Variants in SLC14A2 observed in about 807,000 individuals in gnomAD.
The protein encoded by SLC14A2 is solute carrier family 14 member 2.
Under a neutral mutation model 104.6 loss-of-function variants are expected in SLC14A2, and 91 were observed. The observed-to-expected ratio is 0.87, with a 90% confidence interval of 0.73 to 1.04. SLC14A2 has a LOEUF of 1.04. Among genes scored for constraint, SLC14A2 ranks in the 50% least tolerant of loss-of-function variants. The pLI, the probability that SLC14A2 is intolerant of heterozygous loss-of-function variation, is 0.00. For missense variants in SLC14A2, 1,189 were observed against 1,156.0 expected (o/e 1.03, Z -0.41); for synonymous variants, 476 against 466.4 (o/e 1.02, Z -0.27).
chr18:45,190,572 T>C, the SLC14A2 span, among the ~76,000 whole-genome samples: 1 of 152,166 alleles, frequency 6.6e-6, no homozygotes. Flanking sequence ...TTTCTGCCCC[T>C]GAATCAAAAA....
chr18:45,212,631 C>A (rs2083971104), upstream of SLC14A2, among the ~76,000 whole-genome samples: 1 of 152,138 alleles, frequency 6.6e-6, no homozygotes, highest in South Asian at 2.1e-4. Flanking sequence ...TAATCTAACG[C>A]ACATGTGTAT....
intron 1 of SLC14A2, among the ~76,000 whole-genome samples, chr18:45,226,695 T>C (rs918884653): frequency 4.0e-5 from 6 of 150,394 alleles, no homozygotes; most frequent in Non-Finnish European, 7.4e-5. Flanking sequence ...AGGGATAGCA[T>C]TAGGAGATAT....
the SLC14A2 span, among the ~76,000 whole-genome samples, chr18:45,171,084 G>A: frequency 6.6e-6 from 1 of 152,150 alleles, no homozygotes; most frequent in East Asian, 1.9e-4. Context: ...TCTGGTCAAA[G>A]ATAGGGTTGT....
At chr18:45,595,753 T>C (rs78924011) in intron 2 of SLC14A2, among the ~76,000 whole-genome samples, 2 of 152,282 alleles carry the variant, frequency 1.3e-5, no homozygotes, top group East Asian at 3.9e-4. Context: ...TGGCAGGTGC[T>C]AGGTACTCAG....
chr18:45,624,676 C>T lies in SLC14A2; in HGVS notation c.12C>T (p.Pro4=). The T allele has an allele frequency of 1.2e-6, 2 of 1,611,848 alleles. No individual in the cohort carries two copies. Among genetic ancestry groups the T allele is most frequent in the Non-Finnish European group, 1.7e-6 (2 of 1,178,996 alleles). Residue 4 remains proline, a synonymous_variant, in exon 2 of 20, where the codon CCC becomes CCT. Transcript: ENST00000255226. MSD[P]HSSPLLPEPL... is the part of the protein sequence containing the mutation. ...TGTGACCCGAAGGAATGTCTGACCC[C>T]CACAGCAGTCCTCTCCTGCCAGAGC...
At chr18:45,399,240 A>G (rs533668158) in intron 1 of SLC14A2, among the ~76,000 whole-genome samples, 1 of 152,306 alleles carries the variant, frequency 6.6e-6, no homozygotes, top group African/African-American at 2.4e-5. Flanking sequence ...CACCTGGTAG[A>G]GCAAACTACC....
intron 2 of SLC14A2, among the ~76,000 whole-genome samples, chr18:45,582,932 C>T (rs1180205029): frequency 6.6e-6 from 1 of 152,172 alleles, no homozygotes; most frequent in Non-Finnish European, 1.5e-5. Context: ...ATAGAGGTGT[C>T]TCCAGGTACA....
chr18:45,527,071 G>A (rs1448611190), intron 2 of SLC14A2, among the ~76,000 whole-genome samples: 1 of 152,156 alleles, frequency 6.6e-6, no homozygotes, highest in African/African-American at 2.4e-5. Context: ...CCAGAGAGGG[G>A]CATGACTTGC....
intron 2 of SLC14A2, among the ~76,000 whole-genome samples, chr18:45,586,836 AGAGGGGGAGTCTTGGGGGTAT>A (rs1298005759): frequency 6.6e-6 from 1 of 152,170 alleles, no homozygotes; most frequent in Non-Finnish European, 1.5e-5. Context: ...GTCAGGGATC[AGAGGGGGAGTCTTGGGGGTAT>A]GAGGAGCAGT....
At chr18:45,466,415 A>G (rs1256472178) in intron 1 of SLC14A2, among the ~76,000 whole-genome samples, 1 of 151,912 alleles carries the variant, frequency 6.6e-6, no homozygotes, top group East Asian at 1.9e-4. Flanking sequence ...GTTAGAGAGC[A>G]TGAAGGCTGA....
intron 2 of SLC14A2, among the ~76,000 whole-genome samples, chr18:45,535,234 T>G (rs2043762003): frequency 6.6e-6 from 1 of 152,208 alleles, no homozygotes; most frequent in Non-Finnish European, 1.5e-5. Context: ...TACATAACAC[T>G]TGCTATTAAT....
At chr18:45,457,952 A>G (rs962210028) in intron 1 of SLC14A2, among the ~76,000 whole-genome samples, 2 of 152,178 alleles carry the variant, frequency 1.3e-5, no homozygotes, top group African/African-American at 4.8e-5. Context: ...CAGGGAGGAA[A>G]GTTGCCGGGA....
intron 1 of SLC14A2, among the ~76,000 whole-genome samples, chr18:45,445,356 C>T (rs1423429275): frequency 1.3e-5 from 2 of 152,016 alleles, no homozygotes; most frequent in Non-Finnish European, 1.5e-5. Flanking sequence ...ATGATCTGCC[C>T]GCCTCAGCCT....
At chr18:45,339,403 A>G (rs565775130) in intron 1 of SLC14A2, among the ~76,000 whole-genome samples, 2 of 152,332 alleles carry the variant, frequency 1.3e-5, no homozygotes, top group East Asian at 3.9e-4. Context: ...ACGAGAAATA[A>G]AGAAAGCTGA....
chr18:45,236,015 ATG>A (rs1475225959), intron 1 of SLC14A2, among the ~76,000 whole-genome samples: 5 of 56,334 alleles, frequency 8.9e-5, no homozygotes, highest in South Asian at 5.0e-4. Context: ...GTGTGTATAT[ATG>A]TGTATATATA....
At chr18:45,558,101 C>T (rs1416357595) in intron 2 of SLC14A2, among the ~76,000 whole-genome samples, 1 of 152,142 alleles carries the variant, frequency 6.6e-6, no homozygotes, top group Non-Finnish European at 1.5e-5. Flanking sequence ...CTTTCTTCTC[C>T]ACCTCCTATA....
intron 1 of SLC14A2, among the ~76,000 whole-genome samples, chr18:45,238,036 G>C (rs2084273517): frequency 1.3e-5 from 2 of 152,140 alleles, no homozygotes; most frequent in South Asian, 4.1e-4. Context: ...TCCACCCAAG[G>C]TCTCCGGGGA....
intron 2 of SLC14A2, among the ~76,000 whole-genome samples, chr18:45,602,306 G>T (rs1251534924): frequency 6.6e-6 from 1 of 152,210 alleles, no homozygotes; most frequent in African/African-American, 2.4e-5. Context: ...AGAGTGATTT[G>T]TCACTCATTC....
chr18:45,363,361 A>G (rs2085634020), intron 1 of SLC14A2, among the ~76,000 whole-genome samples: 1 of 151,772 alleles, frequency 6.6e-6, no homozygotes, highest in African/African-American at 2.4e-5. Context: ...AGGGGGAAAA[A>G]TAAAGAAAAA....
Sources: gnomAD v4.1 joint callset for allele counts (sites outside exome capture counted in the v4.1 genomes callset) on GRCh38, gnomAD v4.1.1 for gene constraint, MANE v1.5 for transcripts, NCBI Gene and HGNC (gene_info 2026-07-23, HGNC 2026-07-21) for gene names.